The following SLC46A1 variants were observed in gnomAD, a reference collection of about 807,000 sequenced individuals.
SLC46A1 encodes the protein solute carrier family 46 member 1, also known as proton-coupled folate transporter.
A neutral mutation model predicts 32.1 loss-of-function variants in SLC46A1; 17 were observed. The ratio of observed to expected loss-of-function variants is 0.53; its 90% CI spans 0.36 to 0.79. The LOEUF (loss-of-function observed/expected upper bound fraction) is 0.79, where lower values mean the gene tolerates loss of function less well. SLC46A1 is among the 30% of genes least tolerant of loss of function. The pLI is 0.00. For synonymous variants in SLC46A1, 240 were observed against 262.7 expected, an observed-to-expected ratio of 0.91 and a Z score of 0.84; for missense variants, 517 against 588.2, an observed-to-expected ratio of 0.88 and a Z score of 1.25.
intron 2 of SLC46A1, chr17:28,404,211 T>C (rs34514237): frequency 5.7e-5 from 11 of 192,302 alleles, no homozygotes; most frequent in Non-Finnish European, 1.1e-4. Context: ...AGAAGCTGAC[T>C]AAGGGTATTT....
intron 1 of SLC46A1, 28 bp from the exon 2 acceptor site, chr17:28,405,496 G>A (rs1555591107): frequency 6.3e-7 from 1 of 1,589,404 alleles, no homozygotes; most frequent in Non-Finnish European, 8.5e-7. Context: ...CCAGGGTGCG[G>A]TTCCTCACTC....
At chr17:28,400,427 G>A (rs939505362) in intron 4 of SLC46A1, 183 bp downstream of exon 4, 5 of 700,546 alleles carry the variant, frequency 7.1e-6, no homozygotes, top group South Asian at 5.8e-5. Flanking sequence ...TCGCCATCTC[G>A]CCCTTGGAAA....
rs1269389092 is a variant in SLC46A1 at position 28,394,908 on chromosome 17, G to A, written c.*4748C>T. On this transcript the variant is annotated 3_prime_UTR_variant, in exon 5 of 5. Transcript: ENST00000612814. ...ACAGTGCTTTGATTGGTTATAGATT[G>A]CTACATTCCAAGGAAGATGACTTTA... 3 of 152,110 alleles carry A rather than the reference G, an allele frequency of 2.0e-5. No homozygotes were observed. Among genetic ancestry groups the A allele is most frequent in the Non-Finnish European group, 4.4e-5 (3 of 68,046 alleles). 9.4% of individuals were successfully genotyped at this position (152,110 alleles called of 1,614,324 possible).
Position 28,404,922 on chromosome 17 carries a change from C to G in SLC46A1, c.775G>C (p.Ala259Pro). 6.2e-7 allele frequency: 1 copy of G among 1,613,974 alleles called. No homozygotes were observed. The highest frequency in any genetic ancestry group is 2.2e-5 in the East Asian group (1 of 44,886). The change falls in exon 2 of 5, where the codon GCC becomes CCC. Residue 259 changes from alanine (A) to proline (P), a missense_variant. Coordinates refer to ENST00000612814, the MANE Select transcript of SLC46A1 (RefSeq NM_080669.6). Reference protein sequence around the residue: ...RSIVQLYVAPAPEKSRKHLAL... With the variant: ...RSIVQLYVAPPPEKSRKHLAL... ...AAATGTTTCCTGGACTTCTCTGGGG[C>G]GGGAGCCACATAGAGCTGGACAATG...
intron 3 of SLC46A1, 81 bp from the exon 4 acceptor site, chr17:28,400,847 A>G: frequency 7.6e-7 from 1 of 1,313,370 alleles, no homozygotes; most frequent in Non-Finnish European, 1.1e-6. Context: ...CAGCTGTGTG[A>G]CCGGGAGTAG....
rs1242989238 is a variant in SLC46A1 at position 28,405,630 on chromosome 17, G to C, written c.229-162C>G. ...AAAATCTGCCAGTGGAGAGGGGGAA[G>C]GACATGGACCAAGGCCCCATTCCCT... On this transcript the variant is annotated intron_variant, in intron 1 of 4. Coordinates refer to ENST00000612814, the MANE Select transcript of SLC46A1 (RefSeq NM_080669.6). 2.6e-6 allele frequency: 3 copies of C among 1,136,056 alleles called. No homozygotes were observed. In the African/African-American group the frequency reaches 4.6e-5, roughly 18 times the overall value. The allele number at this position is 1,136,056 out of a possible 1,614,324, so 70.4% of individuals were successfully genotyped here. A position where few individuals can be genotyped will look rare whatever the true frequency, so the allele number is the denominator to read the frequency against.
chr17:28,403,319 C>T (rs1043211623), intron 2 of SLC46A1: 1 of 152,240 alleles, frequency 6.6e-6, no homozygotes, highest in Admixed American at 6.5e-5. Flanking sequence ...CATAGGGACA[C>T]AGCAAATGGG....
chr17:28,396,269 CCCATGGGT>C lies in SLC46A1; in HGVS notation c.*3379_*3386del, dbSNP rs1555587963. On this transcript the variant is annotated 3_prime_UTR_variant, in exon 5 of 5. Coordinates refer to ENST00000612814, the MANE Select transcript of SLC46A1 (RefSeq NM_080669.6). ...TGACACCAGTTTGGAGGGTGCTGCA[CCCATGGGT>C]CCAACCTAACCAGTCCCCAGTTCCC... The C allele has an allele frequency of 6.2e-7, 1 of 1,614,004 alleles. No individual in the cohort carries two copies. Among genetic ancestry groups the C allele is most frequent in the East Asian group, 2.2e-5 (1 of 44,882 alleles).
At position 28,396,196 on chromosome 17, in the gene SLC46A1, C is replaced by T. The variant is rs532189094; in HGVS notation, c.*3460G>A. The T allele has an allele frequency of 1.2e-6, 2 of 1,614,024 alleles. No individual in the cohort carries two copies. Among genetic ancestry groups the T allele is most frequent in the South Asian group, 1.1e-5 (1 of 91,082 alleles). On this transcript the variant is annotated 3_prime_UTR_variant, in exon 5 of 5. Coordinates refer to ENST00000612814, the MANE Select transcript of SLC46A1 (RefSeq NM_080669.6). ...ACCAGGAGGCCACCATTGAGAAGAT[C>T]ATCCGCTTCCTGCAGGGCCGCTCCT...
chr17:28,403,046 G>C (rs1184370671), intron 2 of SLC46A1: 1 of 152,284 alleles, frequency 6.6e-6, no homozygotes, highest in African/African-American at 2.4e-5. Flanking sequence ...GACTGGTGAT[G>C]GCCGCCCCAA....
chr17:28,396,320 C>T lies in SLC46A1; in HGVS notation c.*3336G>A. Reference sequence around the variant, plus strand: ...CAGTTCCCCAGCCCTGCTGTGACTTCCATTTCCATCGTCCTTTCTGAAGGA... The same window carrying T: ...CAGTTCCCCAGCCCTGCTGTGACTTTCATTTCCATCGTCCTTTCTGAAGGA... On this transcript the variant is annotated 3_prime_UTR_variant, in exon 5 of 5. Transcript: ENST00000612814. The T allele has an allele frequency of 6.2e-7, 1 of 1,611,592 alleles. No homozygotes were observed. Among genetic ancestry groups the T allele is most frequent in the African/African-American group, 1.3e-5 (1 of 74,994 alleles).
At chr17:28,404,404 T>A (rs1218308002) in intron 2 of SLC46A1, 2 of 623,556 alleles carry the variant, frequency 3.2e-6, no homozygotes, top group Non-Finnish European at 5.6e-6. Context: ...AGTGGGTTAA[T>A]TACTTTAGCT....
Position 28,395,593 on chromosome 17 carries a change from G to A in SLC46A1, c.*4063C>T, listed in dbSNP as rs192565566. 60 of 287,472 alleles carry A rather than the reference G, an allele frequency of 2.1e-4. No homozygotes were observed. The East Asian group carries it at 4.3e-3, about 21-fold the overall frequency. The allele number at this position is 287,472 out of a possible 1,614,324, so 17.8% of individuals were successfully genotyped here. ...CTCCCTGGTGACCAGCCCTCTTCCT[G>A]AAACTATCTAGGCTACCCCCATAGC... On this transcript the variant is annotated 3_prime_UTR_variant, in exon 5 of 5. Transcript: ENST00000612814.
Position 28,395,627 on chromosome 17 carries a change from G to A in SLC46A1, c.*4029C>T, listed in dbSNP as rs2068111758. ...TAGGCTACCCCCATAGCACCCCCCG[G>A]GCCCCCAGTGGGGAATCATCTCTTT... On this transcript the variant is annotated 3_prime_UTR_variant, in exon 5 of 5. Coordinates refer to ENST00000612814, the MANE Select transcript of SLC46A1 (RefSeq NM_080669.6). The A allele has an allele frequency of 2.8e-6, 1 of 360,320 alleles. No individual in the cohort carries two copies. The highest frequency in any genetic ancestry group is 5.1e-6 in the Non-Finnish European group (1 of 194,658). 22.3% of individuals were successfully genotyped at this position (360,320 alleles called of 1,614,324 possible).
In SLC46A1 at chr17:28,405,479, A is replaced by G; in HGVS notation, c.229-11T>C. On this transcript the variant is annotated splice_polypyrimidine_tract_variant and intron_variant, in intron 1 of 4. Transcript: ENST00000612814. ...AAGGGTCTCCACTTCCTGTAGGGGC[A>G]CAATGACCAGGGTGCGGTTCCTCAC... 2 of 1,596,000 alleles carry G rather than the reference A, an allele frequency of 1.3e-6. No homozygotes were observed. Among genetic ancestry groups the G allele is most frequent in the Non-Finnish European group, 1.7e-6 (2 of 1,172,946 alleles).
rs782580259 is a variant in SLC46A1, at chr17:28,396,006, G to A, written c.*3650C>T. Reference sequence around the variant, plus strand: ...TCCTGCCTGAGGACATGCAGGCTGTGCTTACTTTCAACGGTATCAAGTGAG... The same window carrying A: ...TCCTGCCTGAGGACATGCAGGCTGTACTTACTTTCAACGGTATCAAGTGAG... On this transcript the variant is annotated 3_prime_UTR_variant, in exon 5 of 5. Coordinates refer to ENST00000612814, the MANE Select transcript of SLC46A1 (RefSeq NM_080669.6). 35 of 1,613,846 alleles carry A rather than the reference G, an allele frequency of 2.2e-5. No homozygotes were observed. The highest frequency in any genetic ancestry group is 2.9e-5 in the Non-Finnish European group (34 of 1,179,880).
At position 28,399,954 on chromosome 17, in the gene SLC46A1, C is replaced by G. The variant is rs2068176301; in HGVS notation, c.1323-241G>C. The G allele has an allele frequency of 5.9e-6, 3 of 511,094 alleles. No individual in the cohort carries two copies. The East Asian group carries it at 1.1e-4, about 18-fold the overall frequency. The allele number at this position is 511,094 out of a possible 1,614,324, so 31.7% of individuals were successfully genotyped here. The stretch of plus-strand genomic sequence containing the variant: ...TGTTGTCCAGGCTGGAGGGCAGTGA[C>G]ATAATCATAGCTCACTGTACCCTTG... On this transcript the variant is annotated intron_variant, in intron 4 of 4. Transcript: ENST00000612814.
chr17:28,396,473 G>T lies in SLC46A1; in HGVS notation c.*3183C>A, dbSNP rs1385287448. Reference sequence around the variant, plus strand: ...CCACTTTCCTCAGTATCTGGAGAGGGAAGGGAAGTCAGGCTTGGGCACGGG... The same window carrying T: ...CCACTTTCCTCAGTATCTGGAGAGGTAAGGGAAGTCAGGCTTGGGCACGGG... On this transcript the variant is annotated 3_prime_UTR_variant, in exon 5 of 5. Coordinates refer to ENST00000612814, the MANE Select transcript of SLC46A1 (RefSeq NM_080669.6). 2.9e-6 allele frequency: 2 copies of T among 686,222 alleles called. No individual in the cohort carries two copies. The highest frequency in any genetic ancestry group is 4.8e-6 in the Non-Finnish European group (2 of 416,328). 42.5% of individuals were successfully genotyped at this position (686,222 alleles called of 1,614,324 possible). A position where few individuals can be genotyped will look rare whatever the true frequency, so the allele number is the denominator to read the frequency against.
chr17:28,405,069 T>C lies in SLC46A1; in HGVS notation c.628A>G (p.Asn210Asp). Residue 210 changes from asparagine (N) to aspartate (D), a missense_variant, in exon 2 of 5, where the codon AAC becomes GAC. Physicochemically the swap from Asn to Asp is conservative, Grantham distance 23. Coordinates refer to ENST00000612814, the MANE Select transcript of SLC46A1 (RefSeq NM_080669.6). ...AAGGCCAAGGCCAGCCAGAAGGGGTTGGCATAACCCTGGGCCCGGAGCCAG... is the reference window on the plus strand; with the variant it reads ...AAGGCCAAGGCCAGCCAGAAGGGGTCGGCATAACCCTGGGCCCGGAGCCAG... Reference protein sequence around the residue: ...GHWLRAQGYANPFWLALALLI... With the variant: ...GHWLRAQGYADPFWLALALLI... 1.2e-6 allele frequency: 2 copies of C among 1,613,966 alleles called. No homozygotes were observed. Among genetic ancestry groups the C allele is most frequent in the Non-Finnish European group, 1.7e-6 (2 of 1,179,878 alleles).
Sources: allele counts gnomAD v4.1 joint callset, GRCh38; gene constraint gnomAD v4.1.1; transcripts MANE v1.5; gene names NCBI Gene and HGNC (gene_info 2026-07-23, HGNC 2026-07-21).